The following SLC9A9 variants were observed in gnomAD, a reference collection of about 807,000 sequenced individuals.
SLC9A9 encodes the protein sodium/hydrogen exchanger 9.
SLC9A9 carries 62 observed loss-of-function variants against 77.8 expected under a neutral mutation model. That is an observed-to-expected ratio of 0.80 (90% CI 0.65 to 0.98). The LOEUF (loss-of-function observed/expected upper bound fraction) is 0.98, where lower values mean the gene tolerates loss of function less well. Among genes scored for constraint, SLC9A9 ranks in the 50% least tolerant of loss-of-function variants. The probability of loss-of-function intolerance (pLI) is 0.00; values close to 1 mark genes in which losing one functional copy is unlikely to be tolerated. For missense variants in SLC9A9, 775 were observed against 774.9 expected, an observed-to-expected ratio of 1.00 and a Z score of 0.00; for synonymous variants, 320 against 283.5, an observed-to-expected ratio of 1.13 and a Z score of -1.29.
At chr3:143,655,974 A>G (rs925253414) in intron 5 of SLC9A9, among the ~76,000 whole-genome samples, 2 of 152,234 alleles carry the variant, frequency 1.3e-5, no homozygotes, top group Non-Finnish European at 2.9e-5. Flanking sequence ...AGAATAAGCC[A>G]GAGGAAAGAG....
chr3:143,510,944 C>T (rs1050438197), intron 9 of SLC9A9, among the ~76,000 whole-genome samples: 2 of 152,174 alleles, frequency 1.3e-5, no homozygotes, highest in East Asian at 1.9e-4. Flanking sequence ...TCAATGTCTG[C>T]CTGTTCACTT....
chr3:143,403,289 C>T (rs2033903403), intron 12 of SLC9A9, among the ~76,000 whole-genome samples: 1 of 151,860 alleles, frequency 6.6e-6, no homozygotes, highest in African/African-American at 2.4e-5. Flanking sequence ...CTATAGCTTC[C>T]TTTCCTCACT....
chr3:143,465,014 A>C (rs2035260564), intron 12 of SLC9A9, among the ~76,000 whole-genome samples: 1 of 152,172 alleles, frequency 6.6e-6, no homozygotes, highest in South Asian at 2.1e-4. Flanking sequence ...CTTGCTCACT[A>C]GACTGGAACC....
intron 12 of SLC9A9, among the ~76,000 whole-genome samples, chr3:143,424,594 T>G (rs1448369115): frequency 6.6e-6 from 1 of 152,126 alleles, no homozygotes; most frequent in South Asian, 2.1e-4. Context: ...CCTCCCCAAG[T>G]GCTGGGTGAT....
intron 12 of SLC9A9, among the ~76,000 whole-genome samples, chr3:143,422,667 G>A (rs1230263066): frequency 6.6e-6 from 1 of 152,052 alleles, no homozygotes; most frequent in Admixed American, 6.5e-5. Context: ...TTGGATGATG[G>A]GATCATTCAT....
chr3:143,282,598 C>G (rs1042818811), intron 14 of SLC9A9, among the ~76,000 whole-genome samples: 4 of 152,162 alleles, frequency 2.6e-5, no homozygotes, highest in African/African-American at 9.7e-5. Context: ...AGAAGCCTCT[C>G]AGAGCATCAA....
chr3:143,690,230 G>A (rs540849102), intron 5 of SLC9A9, among the ~76,000 whole-genome samples: 6 of 151,984 alleles, frequency 3.9e-5, no homozygotes, highest in African/African-American at 1.2e-4. Context: ...TTATATTAAT[G>A]TGTGGGAAGA....
chr3:143,581,394 T>G (rs2037449847), intron 6 of SLC9A9, among the ~76,000 whole-genome samples: 1 of 152,198 alleles, frequency 6.6e-6, no homozygotes, highest in African/African-American at 2.4e-5. Flanking sequence ...GTGCCTACAG[T>G]ATAGCTTTAT....
At chr3:143,844,750 TTTC>T (rs2009791421) in intron 1 of SLC9A9, among the ~76,000 whole-genome samples, 1 of 148,158 alleles carries the variant, frequency 6.7e-6, no homozygotes, top group South Asian at 2.2e-4. Flanking sequence ...TCTTTCTTTC[TTTC>T]TTTCTTTCTT....
intron 8 of SLC9A9, among the ~76,000 whole-genome samples, chr3:143,563,296 A>G (rs1167210024): frequency 6.6e-6 from 1 of 152,216 alleles, no homozygotes; most frequent in Non-Finnish European, 1.5e-5. Context: ...TTAACACAGT[A>G]CCATTTATAC....
At chr3:143,808,343 A>G (rs2008777892) in intron 2 of SLC9A9, among the ~76,000 whole-genome samples, 1 of 152,240 alleles carries the variant, frequency 6.6e-6, no homozygotes, top group African/African-American at 2.4e-5. Context: ...ATCAACTCAG[A>G]AGCTGAAAAC....
intron 2 of SLC9A9, among the ~76,000 whole-genome samples, chr3:143,797,434 T>A (rs2008416533): frequency 6.6e-6 from 1 of 152,178 alleles, no homozygotes; most frequent in African/African-American, 2.4e-5. Flanking sequence ...TGGTATGAAG[T>A]GCAGTGAAAT....
In SLC9A9 at chr3:143,334,031, A is replaced by G. The variant is rs75796470; in HGVS notation, c.1604+29453T>C. On this transcript the variant is annotated intron_variant, in intron 14 of 15. Coordinates refer to ENST00000316549, the MANE Select transcript of SLC9A9 (RefSeq NM_173653.4). ...TATTAATTTTGTATTTGAAAAAATA[A>G]TCTGCTACAATTGGTACAAAGAGCA... is the stretch of plus-strand genomic sequence containing the variant. Among the ~76,000 whole-genome samples the G allele has an allele frequency of 1.1e-3, 175 of 152,372 alleles. 1 individual carries two copies. Among genetic ancestry groups the G allele is most frequent in the African/African-American group, 4.2e-3 (174 of 41,598 alleles).
At chr3:143,412,986 A>G (rs2034122814) in intron 12 of SLC9A9, among the ~76,000 whole-genome samples, 1 of 152,250 alleles carries the variant, frequency 6.6e-6, no homozygotes, top group Non-Finnish European at 1.5e-5. Context: ...AGTTTTAAAC[A>G]GAGGAACTGG....
chr3:143,305,940 T>C (rs1209447593), intron 14 of SLC9A9, among the ~76,000 whole-genome samples: 1 of 152,186 alleles, frequency 6.6e-6, no homozygotes, highest in African/African-American at 2.4e-5. Context: ...TATTTGCCAA[T>C]GGACAAAACG....
At chr3:143,616,037 C>T (rs1416734167) in intron 6 of SLC9A9, among the ~76,000 whole-genome samples, 7 of 152,028 alleles carry the variant, frequency 4.6e-5, no homozygotes, top group Non-Finnish European at 1.0e-4. Context: ...CCCACCACCA[C>T]GCCCAGCTAA....
intron 12 of SLC9A9, among the ~76,000 whole-genome samples, chr3:143,444,480 T>C (rs2034806914): frequency 6.6e-6 from 1 of 152,174 alleles, no homozygotes; most frequent in African/African-American, 2.4e-5. Flanking sequence ...GAAATAACTT[T>C]ATCATGCCCC....
intron 9 of SLC9A9, chr3:143,517,978 A>C: frequency 6.9e-7 from 1 of 1,447,452 alleles, no homozygotes; most frequent in Non-Finnish European, 9.6e-7. Flanking sequence ...CACCTTCTTT[A>C]TCAATTTCTA....
intron 13 of SLC9A9, among the ~76,000 whole-genome samples, chr3:143,377,434 A>G (rs1324304792): frequency 6.6e-6 from 1 of 152,190 alleles, no homozygotes. Context: ...CTCTGGCAGC[A>G]GGTCCCTCTG....
Sources: gnomAD v4.1 joint callset for allele counts (sites outside exome capture counted in the v4.1 genomes callset) on GRCh38, gnomAD v4.1.1 for gene constraint, MANE v1.5 for transcripts, NCBI Gene and HGNC (gene_info 2026-07-23, HGNC 2026-07-21) for gene names.